PRICKLE2: variants seen among roughly 807,000 people sequenced by gnomAD.
PRICKLE2 encodes prickle-like protein 2.
In PRICKLE2, 21 loss-of-function variants were observed where a neutral mutation model predicts 81.4. The ratio of observed to expected loss-of-function variants is 0.26; its 90% confidence interval spans 0.18 to 0.37. PRICKLE2 has a LOEUF of 0.37. Among genes scored for constraint, PRICKLE2 ranks in the 10% least tolerant of loss-of-function variants. PRICKLE2 has a pLI of 1.00. For synonymous variants in PRICKLE2, 456 were observed against 421.5 expected (o/e 1.08, Z -1.00); for missense variants, 940 against 1,109.0 (o/e 0.85, Z 2.16).
At position 64,098,773 on chromosome 3, in the gene PRICKLE2, G is replaced by C; in HGVS notation, c.*278C>G. 2.2e-6 allele frequency: 1 copy of C among 458,344 alleles called. No homozygotes were observed. Among genetic ancestry groups the C allele is most frequent in the South Asian group, 2.5e-5 (1 of 40,730 alleles). 28.4% of individuals were successfully genotyped at this position (458,344 alleles called of 1,614,324 possible). A position where few individuals can be genotyped will look rare whatever the true frequency, so the allele number is the denominator to read the frequency against. On this transcript the variant is annotated 3_prime_UTR_variant, in exon 8 of 8. Coordinates refer to ENST00000638394, the MANE Select transcript of PRICKLE2 (RefSeq NM_198859.4). ...AAACAATTTACCATCTTGAGAGATGGCAACTCAACACAGAACTGATGGGAA... is the reference window on the plus strand; with the variant it reads ...AAACAATTTACCATCTTGAGAGATGCCAACTCAACACAGAACTGATGGGAA...
intron 2 of PRICKLE2, among the ~76,000 whole-genome samples, chr3:64,239,604 G>A (rs2079231987): frequency 6.6e-6 from 1 of 152,156 alleles, no homozygotes. Flanking sequence ...AGGGACAGGG[G>A]AGGGGAGGTG....
chr3:64,262,903 T>G (rs897551972), intron 2 of PRICKLE2, among the ~76,000 whole-genome samples: 60 of 152,306 alleles, frequency 3.9e-4, no homozygotes, highest in African/African-American at 1.2e-3. Flanking sequence ...TGCTAATAAG[T>G]GGTGGAGCCA....
At chr3:64,187,817 C>T (rs1018668675) in intron 2 of PRICKLE2, among the ~76,000 whole-genome samples, 1 of 152,190 alleles carries the variant, frequency 6.6e-6, no homozygotes, top group African/African-American at 2.4e-5. Flanking sequence ...TGAAAGCTAA[C>T]GGTAAAGCTG....
chr3:64,239,302 A>G (rs1483184785), intron 2 of PRICKLE2, among the ~76,000 whole-genome samples: 1 of 152,076 alleles, frequency 6.6e-6, no homozygotes, highest in African/African-American at 2.4e-5. Flanking sequence ...GCAGCTGTGG[A>G]AGGAAGGGCT....
At chr3:64,263,865 T>A (rs1310273673) in intron 2 of PRICKLE2, among the ~76,000 whole-genome samples, 1 of 152,216 alleles carries the variant, frequency 6.6e-6, no homozygotes, top group Non-Finnish European at 1.5e-5. Flanking sequence ...CTCAAGTTGT[T>A]GCCACGAGGG....
intron 2 of PRICKLE2, among the ~76,000 whole-genome samples, chr3:64,185,846 A>T (rs2078220737): frequency 6.6e-6 from 1 of 152,236 alleles, no homozygotes; most frequent in Non-Finnish European, 1.5e-5. Context: ...CAACATATGT[A>T]TGTACCCATG....
chr3:64,256,189 A>T (rs1278215722), intron 2 of PRICKLE2, among the ~76,000 whole-genome samples: 3 of 152,220 alleles, frequency 2.0e-5, no homozygotes, highest in Admixed American at 1.3e-4. Flanking sequence ...ATGACCTTCA[A>T]GCCAAGTCCA....
At chr3:64,126,862 C>T (rs2077115448) in intron 7 of PRICKLE2, among the ~76,000 whole-genome samples, 1 of 152,160 alleles carries the variant, frequency 6.6e-6, no homozygotes, top group Middle Eastern at 3.2e-3. Flanking sequence ...AGGTGTGAGC[C>T]ACTGTGCCCG....
At chr3:64,197,475 T>C (rs1045023198) in intron 2 of PRICKLE2, among the ~76,000 whole-genome samples, 14 of 152,180 alleles carry the variant, frequency 9.2e-5, no homozygotes, top group African/African-American at 3.4e-4. Flanking sequence ...GAGTTCCTTA[T>C]AGAGTCTACA....
intron 6 of PRICKLE2, among the ~76,000 whole-genome samples, chr3:64,152,193 A>T (rs1309520650): frequency 6.6e-6 from 1 of 152,170 alleles, no homozygotes; most frequent in Non-Finnish European, 1.5e-5. Context: ...TGGGCTCCAA[A>T]ATGGATTATC....
chr3:64,110,666 A>G (rs1465703812), intron 7 of PRICKLE2, among the ~76,000 whole-genome samples: 1 of 152,154 alleles, frequency 6.6e-6, no homozygotes, highest in African/African-American at 2.4e-5. Context: ...GGGCAGGGAA[A>G]AGTGTTCCAG....
intron 7 of PRICKLE2, among the ~76,000 whole-genome samples, chr3:64,118,549 A>G (rs1024962775): frequency 6.6e-6 from 1 of 152,238 alleles, no homozygotes; most frequent in Non-Finnish European, 1.5e-5. Context: ...ACATGAACAC[A>G]TACTTTTCAA....
chr3:64,157,362 C>T lies in PRICKLE2; in HGVS notation c.400G>A (p.Gly134Arg), dbSNP rs775889804. 11 of 1,612,776 alleles carry T rather than the reference C, an allele frequency of 6.8e-6. No homozygotes were observed. Among genetic ancestry groups the T allele is most frequent in the South Asian group, 5.5e-5 (5 of 91,010 alleles). ...TMTGAICEQC[G>R]GQINGGDIAV... Reference sequence around the variant, plus strand: ...ATGTCTCCACCATTGATCTGGCCTCCGCACTGTGAGGCAAACAGAAACATC... The same window carrying T: ...ATGTCTCCACCATTGATCTGGCCTCTGCACTGTGAGGCAAACAGAAACATC... Residue 134 changes from glycine to arginine, a missense_variant, in exon 5 of 8, where the codon GGA (glycine) becomes AGA (arginine). Gly to Arg is a moderately radical substitution (Grantham distance 125). Around this residue, in one of 2 missense-constraint regions of PRICKLE2, gnomAD observed 270 missense variants for 391.8 expected, o/e 0.69. Transcript: ENST00000638394.
intron 2 of PRICKLE2, among the ~76,000 whole-genome samples, chr3:64,170,819 G>T (rs1191304414): frequency 6.6e-6 from 1 of 151,902 alleles, no homozygotes; most frequent in Non-Finnish European, 1.5e-5. Flanking sequence ...AGGCTGCAGT[G>T]AGTGGCGAAT....
At chr3:64,220,697 C>T (rs531053761) in intron 1 of PRICKLE2, among the ~76,000 whole-genome samples, 1 of 152,142 alleles carries the variant, frequency 6.6e-6, no homozygotes, top group Non-Finnish European at 1.5e-5. Context: ...CAAACGAGGC[C>T]AGCCCTGATT....
At position 64,191,316 on chromosome 3, in the gene PRICKLE2, C is replaced by T. The variant is rs369354357; in HGVS notation, c.144+7468G>A. The stretch of plus-strand genomic sequence containing the variant: ...ATAGTAATTAGTTAGTCACATACTA[C>T]TATTTCACAAGAAAGATGGGAAGGA... On this transcript the variant is annotated intron_variant, in intron 2 of 7. Transcript: ENST00000638394. Among the ~76,000 whole-genome samples the T allele has an allele frequency of 3.3e-5, 5 of 152,258 alleles. No individual in the cohort carries two copies. The East Asian group carries it at 5.8e-4, about 18-fold the overall frequency.
intron 3 of PRICKLE2, among the ~76,000 whole-genome samples, 169 bp from the exon 4 acceptor site, chr3:64,160,246 A>G (rs979780862): frequency 1.3e-5 from 2 of 152,182 alleles, no homozygotes; most frequent in Admixed American, 6.5e-5. Context: ...GTCTCTACTA[A>G]GGTGAGTCTC....
chr3:64,188,186 G>C (rs189795916), intron 2 of PRICKLE2, among the ~76,000 whole-genome samples: 186 of 152,316 alleles, frequency 1.2e-3, no homozygotes, highest in African/African-American at 4.4e-3. Context: ...CCTATTTGGT[G>C]TCTGCTTTGT....
At chr3:64,145,366 C>T (rs1188788320) in intron 7 of PRICKLE2, 1 of 147,628 alleles carries the variant, frequency 6.8e-6, no homozygotes, top group Non-Finnish European at 1.5e-5. Context: ...TATATATACA[C>T]ACGCTATATA....
Sources: allele counts gnomAD v4.1 joint callset (sites outside exome capture counted in the v4.1 genomes callset), GRCh38; gene constraint gnomAD v4.1.1; regional missense constraint gnomAD v4.1.1; transcripts MANE v1.5; gene names NCBI Gene and HGNC (gene_info 2026-07-23, HGNC 2026-07-21).